KCNQ1: variants seen among roughly 807,000 people sequenced by gnomAD.
KCNQ1 encodes the protein potassium voltage-gated channel subfamily Q member 1.
KCNQ1 carries 49 observed loss-of-function variants against 72.4 expected under a neutral mutation model. The observed-to-expected ratio is 0.68, with a 90% CI of 0.54 to 0.86. The LOEUF (loss-of-function observed/expected upper bound fraction) is 0.86, where lower values mean the gene tolerates loss of function less well. KCNQ1 is among the 40% of genes least tolerant of loss of function. The probability of loss-of-function intolerance (pLI) is 0.00; values close to 1 mark genes in which losing one functional copy is unlikely to be tolerated. For synonymous variants in KCNQ1, 450 were observed against 412.6 expected, an observed-to-expected ratio of 1.09 and a Z score of -1.10; for missense variants, 790 against 945.1, an observed-to-expected ratio of 0.84 and a Z score of 2.15.
chr11:2,625,072 C>G (rs1849242216), intron 10 of KCNQ1: 1 of 398,458 alleles, frequency 2.5e-6, no homozygotes, highest in Non-Finnish European at 4.4e-6. Context: ...TTTGAGACTG[C>G]TTTTAATCCT....
In KCNQ1 at chr11:2,677,274, T is replaced by C. The variant is rs1170378686; in HGVS notation, c.1514+15193T>C. ...AAGAGGAACTTATAAAGAGGAACTG[T>C]AAATCTTGTCAAAATAGGAGATTTC... On this transcript the variant is annotated intron_variant, in intron 11 of 15. Transcript: ENST00000155840. The surrounding 1 kb of genome is among the most constrained non-coding windows in gnomAD (Gnocchi z 4.5). 2 of 398,524 alleles carry C rather than the reference T, an allele frequency of 5.0e-6. No homozygotes were observed. Among genetic ancestry groups the C allele is most frequent in the Non-Finnish European group, 8.8e-6 (2 of 226,076 alleles). 24.7% of individuals were successfully genotyped at this position (398,524 alleles called of 1,614,324 possible). A position where few individuals can be genotyped will look rare whatever the true frequency, so the allele number is the denominator to read the frequency against.
rs1399880409 is a variant in KCNQ1, at chr11:2,772,477, G to A, written c.1591-3483G>A. On this transcript the variant is annotated intron_variant, in intron 12 of 15. Coordinates refer to ENST00000155840, the MANE Select transcript of KCNQ1 (RefSeq NM_000218.3). The surrounding 1 kb of genome is among the most constrained non-coding windows in gnomAD (Gnocchi z 6.6). ...TGATCTTTCCAGCCCAACCCCAGAG[G>A]ACCACTGGACAAAGGCCCCCGTGAG... Among the ~76,000 whole-genome samples, 2 of 152,024 alleles carry A rather than the reference G, an allele frequency of 1.3e-5. No individual in the cohort carries two copies. The highest frequency in any genetic ancestry group is 4.8e-5 in the African/African-American group (2 of 41,404).
chr11:2,748,691 C>A lies in KCNQ1; in HGVS notation c.1515-20153C>A, dbSNP rs7394507. Among the ~76,000 whole-genome samples the A allele has an allele frequency of 0.87, 131,803 of 152,268 alleles. 57,130 individuals are homozygous for A. Among genetic ancestry groups the A allele is most frequent in the East Asian group, 0.93 (4,825 of 5,170 alleles). ...CAGGCCCGGCTGGATCACAGAGCTT[C>A]GGGTCCAGCCAGCTGCTGCTGCCCC... On this transcript the variant is annotated intron_variant, in intron 11 of 15. Coordinates refer to ENST00000155840, the MANE Select transcript of KCNQ1 (RefSeq NM_000218.3). This position sits in a 1 kb window ranked among gnomAD's most constrained non-coding sequence, Gnocchi z 6.2.
intron 11 of KCNQ1, among the ~76,000 whole-genome samples, chr11:2,727,928 C>T (rs544276463): frequency 7.9e-5 from 12 of 152,214 alleles, no homozygotes; most frequent in East Asian, 1.9e-4. Flanking sequence ...CCCCCGGGGC[C>T]GCGCTAGTCA....
Position 2,620,929 on chromosome 11 carries a change from G to A in KCNQ1, c.1393+32075G>A, listed in dbSNP as rs1033631652. On this transcript the variant is annotated intron_variant, in intron 10 of 15. Coordinates refer to ENST00000155840, the MANE Select transcript of KCNQ1 (RefSeq NM_000218.3). This position sits in a 1 kb window ranked among gnomAD's most constrained non-coding sequence, Gnocchi z 4.5. The stretch of plus-strand genomic sequence containing the variant: ...TCCCATTATGGTTTGGTGTTTTTTT[G>A]TTGTTGTTGTTTTGTTTTGTTTTTT... 5.5e-6 allele frequency: 2 copies of A among 366,912 alleles called. No individual in the cohort carries two copies. The highest frequency in any genetic ancestry group is 3.8e-5 in the East Asian group (1 of 26,102). 22.7% of individuals were successfully genotyped at this position (366,912 alleles called of 1,614,324 possible). A position where few individuals can be genotyped will look rare whatever the true frequency, so the allele number is the denominator to read the frequency against.
rs577671868 is a variant in KCNQ1, at chr11:2,627,265, A to G, written c.1394-34696A>G. The G allele has an allele frequency of 5.0e-5, 20 of 398,520 alleles. No individual in the cohort carries two copies. The highest frequency in any genetic ancestry group is 2.9e-4 in the East Asian group (8 of 28,058). The allele number at this position is 398,520 out of a possible 1,614,324, so 24.7% of individuals were successfully genotyped here. ...GACCTACTGTGAAATGATTACTACA[A>G]TCAAGCCAATTAACATATACCTTAC... On this transcript the variant is annotated intron_variant, in intron 10 of 15. Transcript: ENST00000155840. This position sits in a 1 kb window ranked among gnomAD's most constrained non-coding sequence, Gnocchi z 4.9.
chr11:2,717,082 G>A (rs1177303919), intron 11 of KCNQ1, among the ~76,000 whole-genome samples: 1 of 152,196 alleles, frequency 6.6e-6, no homozygotes, highest in Non-Finnish European at 1.5e-5. Context: ...CCACCATGAA[G>A]TGGCCGGGGC....
chr11:2,598,044 T>A lies in KCNQ1; in HGVS notation c.1393+9190T>A, dbSNP rs1848755772. On this transcript the variant is annotated intron_variant, in intron 10 of 15. Transcript: ENST00000155840. The surrounding 1 kb of genome is among the most constrained non-coding windows in gnomAD (Gnocchi z 6.2). ...AGAAAACTATCTTTGTACTCTTTGT[T>A]ATCTATTTCATTAATCTAAGCTTTT... is the stretch of plus-strand genomic sequence containing the variant. 6.6e-6 allele frequency among the ~76,000 whole-genome samples: 1 copy of A among 152,146 alleles called. No individual in the cohort carries two copies. The highest frequency in any genetic ancestry group is 1.5e-5 in the Non-Finnish European group (1 of 68,010).
chr11:2,786,050 AT>A (rs1463343447), intron 15 of KCNQ1, among the ~76,000 whole-genome samples: 1 of 151,930 alleles, frequency 6.6e-6, no homozygotes, highest in Non-Finnish European at 1.5e-5. Flanking sequence ...CCTCTTTGTC[AT>A]TTGTTATTTC....
chr11:2,673,239 G>A lies in KCNQ1; in HGVS notation c.1514+11158G>A, dbSNP rs933341612. On this transcript the variant is annotated intron_variant, in intron 11 of 15. Coordinates refer to ENST00000155840, the MANE Select transcript of KCNQ1 (RefSeq NM_000218.3). The surrounding 1 kb of genome is among the most constrained non-coding windows in gnomAD (Gnocchi z 4.5). ...AGCTGAGTCCCCTGTAGATTCTGGG[G>A]ACTGGGTGATGCAGACTGCAAAGCC... is the stretch of plus-strand genomic sequence containing the variant. The A allele has an allele frequency of 2.5e-6, 1 of 398,672 alleles. No homozygotes were observed. The allele number at this position is 398,672 out of a possible 1,614,324, so 24.7% of individuals were successfully genotyped here. A position where few individuals can be genotyped will look rare whatever the true frequency, so the allele number is the denominator to read the frequency against.
At position 2,770,333 on chromosome 11, in the gene KCNQ1, G is replaced by A. The variant is rs924670868; in HGVS notation, c.1590+1414G>A. Among the ~76,000 whole-genome samples the A allele has an allele frequency of 2.0e-5, 3 of 152,338 alleles. No individual in the cohort carries two copies. The East Asian group carries it at 5.8e-4, about 29-fold the overall frequency. On this transcript the variant is annotated intron_variant, in intron 12 of 15. Transcript: ENST00000155840. ...GCTGTGAGGGGAATGAGAGCCTAAG[G>A]GTTTGGCATAAGATCATATGCACGT...
At chr11:2,688,453 C>T in intron 11 of KCNQ1, 2 of 398,754 alleles carry the variant, frequency 5.0e-6, no homozygotes, top group South Asian at 1.3e-4. Context: ...ATCACTATTT[C>T]ACAGGAGAAC....
chr11:2,531,770 T>C (rs1847637671), intron 2 of KCNQ1, among the ~76,000 whole-genome samples: 1 of 152,130 alleles, frequency 6.6e-6, no homozygotes, highest in African/African-American at 2.4e-5. Flanking sequence ...CCTGGCCGCC[T>C]CCCTTGTCCC....
chr11:2,520,019 T>G (rs1847354086), intron 1 of KCNQ1, among the ~76,000 whole-genome samples: 1 of 152,258 alleles, frequency 6.6e-6, no homozygotes, highest in African/African-American at 2.4e-5. Flanking sequence ...CCGCAGAGGC[T>G]GGAAGGCTGA....
In KCNQ1 at chr11:2,679,178, A is replaced by C; in HGVS notation, c.1514+17097A>C. 2.5e-6 allele frequency: 1 copy of C among 398,614 alleles called. No individual in the cohort carries two copies. The highest frequency in any genetic ancestry group is 3.6e-5 in the East Asian group (1 of 28,062). 24.7% of individuals were successfully genotyped at this position (398,614 alleles called of 1,614,324 possible). On this transcript the variant is annotated intron_variant, in intron 11 of 15. Transcript: ENST00000155840. This position sits in a 1 kb window ranked among gnomAD's most constrained non-coding sequence, Gnocchi z 4.8. ...AGCAGCGACTCAGTTTCCATGTCTG[A>C]GTTAGGCCACCTGTAACAATGCAGC...
intron 10 of KCNQ1, chr11:2,644,157 T>G: frequency 2.5e-6 from 1 of 398,598 alleles, no homozygotes; most frequent in Non-Finnish European, 4.4e-6. Flanking sequence ...TGGGAAGTGT[T>G]CAGGTATTAT....
rs1026229184 is a variant in KCNQ1 at position 2,471,796 on chromosome 11, G to A, written c.386+26312G>A. ...TGTGCATGTGATTGGGTGTGTGCAT[G>A]TGTATATAGGTGTGTGTGCACGTGT... On this transcript the variant is annotated intron_variant, in intron 1 of 15. Transcript: ENST00000155840. This position sits in a 1 kb window ranked among gnomAD's most constrained non-coding sequence, Gnocchi z 4.8. Among the ~76,000 whole-genome samples the A allele has an allele frequency of 1.3e-5, 2 of 151,600 alleles. No homozygotes were observed. The highest frequency in any genetic ancestry group is 4.9e-5 in the African/African-American group (2 of 41,146).
rs1391224442 is a variant in KCNQ1, at chr11:2,458,683, G to GGATGGATGGATCGATC, written c.386+13202_386+13203insGGATGGATCGATCGAT. Among the ~76,000 whole-genome samples, 2 of 127,240 alleles carry GGATGGATGGATCGATC rather than the reference G, an allele frequency of 1.6e-5. No homozygotes were observed. The highest frequency in any genetic ancestry group is 6.4e-5 in the African/African-American group (2 of 31,104). The allele number at this position is 127,240 out of a possible 152,430, so 83.5% of individuals were successfully genotyped here. A position where few individuals can be genotyped will look rare whatever the true frequency, so the allele number is the denominator to read the frequency against. The stretch of plus-strand genomic sequence containing the variant: ...TGGATGGATGGATGGATGGATGGAT[G>GGATGGATGGATCGATC]GATCGATCGATCTCACCAAGCCTCG... On this transcript the variant is annotated intron_variant, in intron 1 of 15. Transcript: ENST00000155840. The surrounding 1 kb of genome is among the most constrained non-coding windows in gnomAD (Gnocchi z 4.6).
chr11:2,453,120 TC>T (rs1846138318), intron 1 of KCNQ1, among the ~76,000 whole-genome samples: 1 of 152,230 alleles, frequency 6.6e-6, no homozygotes, highest in Non-Finnish European at 1.5e-5. Context: ...ACGCCTGTAA[TC>T]CCAGCACTTT....
Sources: gnomAD v4.1 joint callset for allele counts (sites outside exome capture counted in the v4.1 genomes callset) on GRCh38, gnomAD v4.1.1 for gene constraint, Gnocchi (gnomAD v3.1) non-coding constraint, MANE v1.5 for transcripts, NCBI Gene and HGNC (gene_info 2026-07-23, HGNC 2026-07-21) for gene names.